JAK2: variants seen among roughly 807,000 people sequenced by gnomAD.
JAK2 encodes the protein tyrosine-protein kinase JAK2.
In JAK2, 86 loss-of-function variants were observed where a neutral mutation model predicts 139.3. The observed-to-expected ratio is 0.62, with a 90% CI of 0.52 to 0.74. The LOEUF (loss-of-function observed/expected upper bound fraction) is 0.74, where lower values mean the gene tolerates loss of function less well. Among genes scored for constraint, JAK2 ranks in the 30% least tolerant of loss-of-function variants. The pLI is 0.00. For synonymous variants in JAK2, 490 were observed against 437.7 expected (o/e 1.12, Z -1.49); for missense variants, 1,421 against 1,360.3 (o/e 1.04, Z -0.70).
intron 3 of JAK2, among the ~76,000 whole-genome samples, chr9:5,025,784 G>A (rs112447598): frequency 5.9e-5 from 9 of 151,838 alleles, no homozygotes; most frequent in Non-Finnish European, 7.4e-5. Context: ...CACCTGCCTC[G>A]GCCTCTCAAA....
At chr9:5,068,253 A>G (rs1346958425) in intron 10 of JAK2, among the ~76,000 whole-genome samples, 1 of 152,178 alleles carries the variant, frequency 6.6e-6, no homozygotes, top group African/African-American at 2.4e-5. Flanking sequence ...GATTTTATAT[A>G]AATGTTTCTG....
chr9:5,042,538 C>T (rs999622722), intron 4 of JAK2, among the ~76,000 whole-genome samples: 2 of 152,218 alleles, frequency 1.3e-5, no homozygotes, highest in Non-Finnish European at 2.9e-5. Flanking sequence ...GCCCCCTCCA[C>T]CCCCACCCCT....
At chr9:5,063,496 T>A (rs191143587) in intron 8 of JAK2, among the ~76,000 whole-genome samples, 1 of 152,316 alleles carries the variant, frequency 6.6e-6, no homozygotes, top group African/African-American at 2.4e-5. Context: ...TGTTTTCATC[T>A]CTCTTATATT....
intron 23 of JAK2, among the ~76,000 whole-genome samples, chr9:5,123,698 C>A (rs538625107): frequency 6.6e-6 from 1 of 151,972 alleles, no homozygotes; most frequent in East Asian, 1.9e-4. Context: ...AATGGTAGTT[C>A]TATATTTAGG....
At chr9:5,029,068 C>A (rs1360453450) in intron 3 of JAK2, among the ~76,000 whole-genome samples, 1 of 152,176 alleles carries the variant, frequency 6.6e-6, no homozygotes, top group African/African-American at 2.4e-5. Flanking sequence ...TTAATAATAC[C>A]TTCCTCACTT....
At chr9:5,026,674 CTTGTT>C (rs767325555) in intron 3 of JAK2, among the ~76,000 whole-genome samples, 2 of 152,038 alleles carry the variant, frequency 1.3e-5, no homozygotes, top group Non-Finnish European at 2.9e-5. Flanking sequence ...CTTCTAAAGA[CTTGTT>C]TTGAGTTCAC....
At chr9:4,999,845 C>T (rs1390020185) in intron 2 of JAK2, among the ~76,000 whole-genome samples, 1 of 152,150 alleles carries the variant, frequency 6.6e-6, no homozygotes. Flanking sequence ...AATATTTAGA[C>T]TTGTTTCATA....
At position 5,044,470 on chromosome 9, in the gene JAK2, G is replaced by T; in HGVS notation, c.418G>T (p.Ala140Ser). The T allele has an allele frequency of 6.2e-7, 1 of 1,612,986 alleles. No homozygotes were observed. The highest frequency in any genetic ancestry group is 2.2e-5 in the East Asian group (1 of 44,824). ...CTATCGGCATGGAATATCTCGAGGTGCTGAAGCTCCTCTTCTTGATGACTT... is the reference window on the plus strand; with the variant it reads ...CTATCGGCATGGAATATCTCGAGGTTCTGAAGCTCCTCTTCTTGATGACTT... ...RAYRHGISRG[A>S]EAPLLDDFVM... The change falls in exon 5 of 25, where the codon GCT (alanine) becomes TCT (serine). Residue 140 changes from alanine to serine, a missense_variant. Ala to Ser is a moderately conservative substitution (Grantham distance 99). Coordinates refer to ENST00000381652, the MANE Select transcript of JAK2 (RefSeq NM_004972.4).
chr9:5,052,469 G>A (rs1345626158), intron 6 of JAK2, among the ~76,000 whole-genome samples: 1 of 151,476 alleles, frequency 6.6e-6, no homozygotes, highest in Non-Finnish European at 1.5e-5. Context: ...AAGATTCCAT[G>A]ATATTTTAAA....
At chr9:5,116,191 G>T (rs887569414) in intron 22 of JAK2, among the ~76,000 whole-genome samples, 1 of 152,072 alleles carries the variant, frequency 6.6e-6, no homozygotes, top group Non-Finnish European at 1.5e-5. Flanking sequence ...TTTTAAGCAT[G>T]GAGAACTGAA....
At chr9:4,984,782 C>T (rs1346665351), upstream of JAK2, 1 of 152,320 alleles carries the variant, frequency 6.6e-6, no homozygotes, top group Non-Finnish European at 1.5e-5. Flanking sequence ...CACTCCCGGC[C>T]GCTTCCCTGG....
chr9:5,039,273 T>C (rs1239274589), intron 4 of JAK2, among the ~76,000 whole-genome samples: 11 of 152,112 alleles, frequency 7.2e-5, no homozygotes, highest in Admixed American at 7.2e-4. Flanking sequence ...CAACTGCAGA[T>C]TGAAAATACT....
chr9:5,114,214 C>T (rs561133420), intron 22 of JAK2: 3 of 510,548 alleles, frequency 5.9e-6, no homozygotes, highest in African/African-American at 5.7e-5. Flanking sequence ...CGGTCCAGCC[C>T]CTTCTACCTG....
chr9:5,067,715 T>A (rs937217607), intron 10 of JAK2, among the ~76,000 whole-genome samples: 3 of 152,086 alleles, frequency 2.0e-5, no homozygotes, highest in Non-Finnish European at 2.9e-5. Context: ...AGCTATGTAT[T>A]ATAGAGTTTA....
At chr9:5,087,958 T>C in intron 19 of JAK2, among the ~76,000 whole-genome samples, 1 of 152,212 alleles carries the variant, frequency 6.6e-6, no homozygotes, top group East Asian at 1.9e-4. Context: ...ATTATTAATT[T>C]CAAGGAATAT....
At chr9:5,050,564 C>A in intron 5 of JAK2, 122 bp from the exon 6 acceptor site, 1 of 997,250 alleles carries the variant, frequency 1.0e-6, no homozygotes, top group Non-Finnish European at 1.5e-6. Flanking sequence ...AGCCACTGAG[C>A]CTGGCCAATT....
chr9:5,084,259 C>T (rs139209964), intron 19 of JAK2, among the ~76,000 whole-genome samples: 104 of 152,120 alleles, frequency 6.8e-4, no homozygotes, highest in African/African-American at 2.4e-3. Flanking sequence ...TGGATATTTC[C>T]TATCTGTATT....
chr9:5,082,342 T>C (rs1205862000), intron 19 of JAK2, among the ~76,000 whole-genome samples: 1 of 152,222 alleles, frequency 6.6e-6, no homozygotes, highest in Non-Finnish European at 1.5e-5. Context: ...GAAGGTACTA[T>C]GCCTGGATGT....
chr9:5,035,783 G>A (rs916879723), intron 4 of JAK2, among the ~76,000 whole-genome samples: 1 of 152,132 alleles, frequency 6.6e-6, no homozygotes, highest in African/African-American at 2.4e-5. Flanking sequence ...CATACTGAAT[G>A]GACAGAAACT....
Sources: gnomAD v4.1 joint callset for allele counts (sites outside exome capture counted in the v4.1 genomes callset) on GRCh38, gnomAD v4.1.1 for gene constraint, MANE v1.5 for transcripts, NCBI Gene and HGNC (gene_info 2026-07-23, HGNC 2026-07-21) for gene names.